LPP: variants seen among roughly 807,000 people sequenced by gnomAD.
LPP encodes lipoma-preferred partner.
In LPP, 38 loss-of-function variants were observed where a neutral mutation model predicts 60.4. The observed-to-expected ratio is 0.63, with a 90% CI of 0.49 to 0.83. The LOEUF is 0.83. LPP is among the 40% of genes least tolerant of loss of function. LPP has a pLI of 0.00. For missense variants in LPP, 902 were observed against 783.6 expected (o/e 1.15, Z -1.80); for synonymous variants, 328 against 290.8 (o/e 1.13, Z -1.30).
chr3:188,510,373 AAGGTGAAATC>A (rs1815096275), intron 5 of LPP, among the ~76,000 whole-genome samples: 1 of 152,232 alleles, frequency 6.6e-6, no homozygotes, highest in Non-Finnish European at 1.5e-5. Context: ...ATTTCTGATT[AAGGTGAAATC>A]AGTAGCTTTC....
chr3:188,509,665 CCTTCCTTCCTTCCTTCCTTCCT>C (rs1560497315), intron 5 of LPP, among the ~76,000 whole-genome samples: 3 of 34,162 alleles, frequency 8.8e-5, no homozygotes, highest in South Asian at 9.9e-4. Flanking sequence ...TTCCTTCCTT[CCTTCCTTCCTTCCTTCCTTCCT>C]CTCTCTCTCT....
At chr3:188,734,769 T>C (rs9866839) in intron 8 of LPP, among the ~76,000 whole-genome samples, 34,088 of 152,196 alleles carry the variant, frequency 0.22, 4,314 homozygotes, top group Middle Eastern at 0.43. Context: ...CTGTGAAGAT[T>C]GTCATCCATC....
chr3:188,564,987 TC>T (rs1831774936), intron 6 of LPP, among the ~76,000 whole-genome samples: 5 of 151,954 alleles, frequency 3.3e-5, no homozygotes, highest in Admixed American at 3.3e-4. Context: ...TTTGCTCCAT[TC>T]CATCTCTGCT....
At chr3:188,484,978 T>A (rs1480290439) in intron 5 of LPP, among the ~76,000 whole-genome samples, 4 of 152,308 alleles carry the variant, frequency 2.6e-5, no homozygotes, top group Middle Eastern at 3.4e-3. Flanking sequence ...GCCATTTTTT[T>A]TTTAGGAATA....
intron 2 of LPP, among the ~76,000 whole-genome samples, chr3:188,255,803 C>T (rs767920873): frequency 1.4e-4 from 21 of 152,142 alleles, no homozygotes; most frequent in Non-Finnish European, 2.1e-4. Flanking sequence ...CCAAAACCTG[C>T]TCTTTGAGTT....
chr3:188,806,471 A>G (rs2151242577), intron 9 of LPP, among the ~76,000 whole-genome samples: 1 of 151,956 alleles, frequency 6.6e-6, no homozygotes, highest in South Asian at 2.1e-4. Context: ...TTGCTTTTAG[A>G]CAGATACGTC....
chr3:188,474,278 C>G (rs1802578133), intron 4 of LPP, among the ~76,000 whole-genome samples: 1 of 150,726 alleles, frequency 6.6e-6, no homozygotes, highest in African/African-American at 2.4e-5. Flanking sequence ...AGCTGTTAAT[C>G]AGGTAGGGGA....
chr3:188,607,534 G>A (rs889363639), intron 6 of LPP, among the ~76,000 whole-genome samples: 4 of 151,494 alleles, frequency 2.6e-5, no homozygotes, highest in African/African-American at 9.7e-5. Context: ...AGAAAACTAT[G>A]CCAACATTCT....
intron 3 of LPP, among the ~76,000 whole-genome samples, chr3:188,396,686 A>C (rs1340674127): frequency 6.6e-6 from 1 of 152,188 alleles, no homozygotes; most frequent in Non-Finnish European, 1.5e-5. Context: ...ACCTTTACAA[A>C]TCCAGATTTC....
chr3:188,229,725 C>T (rs955480974), intron 2 of LPP, among the ~76,000 whole-genome samples: 9 of 152,192 alleles, frequency 5.9e-5, no homozygotes, highest in Non-Finnish European at 1.2e-4. Flanking sequence ...CTCTCTTTTG[C>T]TTCCTTCCTC....
chr3:188,355,809 C>T (rs1398522575), intron 3 of LPP, among the ~76,000 whole-genome samples: 1 of 152,140 alleles, frequency 6.6e-6, no homozygotes, highest in Non-Finnish European at 1.5e-5. Context: ...CAATGTGTCT[C>T]ATAATGTCTT....
chr3:188,795,354 C>T (rs1745020663), intron 9 of LPP, among the ~76,000 whole-genome samples: 1 of 152,070 alleles, frequency 6.6e-6, no homozygotes, highest in Non-Finnish European at 1.5e-5. Flanking sequence ...GACAAAAATC[C>T]CCCATGTTTA....
chr3:188,778,837 T>A, intron 9 of LPP, among the ~76,000 whole-genome samples: 1 of 152,232 alleles, frequency 6.6e-6, no homozygotes, highest in South Asian at 2.1e-4. Flanking sequence ...TGAAAAATAA[T>A]ACAGAAATTT....
chr3:188,593,680 G>A (rs927976245), intron 6 of LPP, among the ~76,000 whole-genome samples: 1 of 152,014 alleles, frequency 6.6e-6, no homozygotes, highest in African/African-American at 2.4e-5. Flanking sequence ...ACATATCAGT[G>A]AGAACATACG....
intron 4 of LPP, among the ~76,000 whole-genome samples, chr3:188,428,098 G>T (rs192200069): frequency 1.3e-5 from 2 of 152,252 alleles, no homozygotes; most frequent in East Asian, 3.9e-4. Flanking sequence ...TGGGAAAAGG[G>T]TAGTATCTGG....
intron 9 of LPP, among the ~76,000 whole-genome samples, chr3:188,847,716 A>C (rs938441141): frequency 7.2e-5 from 11 of 152,340 alleles, no homozygotes; most frequent in Admixed American, 7.2e-4. Flanking sequence ...CAGAAAAACA[A>C]ATCAAGAAAT....
chr3:188,230,092 CT>C (rs112163584), intron 2 of LPP, among the ~76,000 whole-genome samples: 2,635 of 145,852 alleles, frequency 0.018, 66 homozygotes, highest in African/African-American at 0.058. Flanking sequence ...GAAACATATT[CT>C]TTTTTTTTTT....
At chr3:188,704,436 G>A (rs1865079728) in intron 7 of LPP, among the ~76,000 whole-genome samples, 1 of 152,166 alleles carries the variant, frequency 6.6e-6, no homozygotes, top group Non-Finnish European at 1.5e-5. Context: ...AGGTTGACAA[G>A]CTCACCTAAG....
chr3:188,848,651 G>A (rs1057017488), intron 9 of LPP, among the ~76,000 whole-genome samples: 3 of 152,198 alleles, frequency 2.0e-5, no homozygotes, highest in African/African-American at 4.8e-5. Flanking sequence ...CACAGAGGAG[G>A]GGAAGAACTT....
Sources: gnomAD v4.1 joint callset for allele counts (sites outside exome capture counted in the v4.1 genomes callset) on GRCh38, gnomAD v4.1.1 for gene constraint, MANE v1.5 for transcripts, NCBI Gene and HGNC (gene_info 2026-07-23, HGNC 2026-07-21) for gene names.